NTM: variants seen among roughly 807,000 people sequenced by gnomAD.
NTM encodes neurotrimin.
A neutral mutation model predicts 42.1 loss-of-function variants in NTM; 13 were observed. The ratio of observed to expected loss-of-function variants is 0.31; its 90% CI spans 0.20 to 0.49. The LOEUF is 0.49. Among genes scored for constraint, NTM ranks in the 20% least tolerant of loss-of-function variants. The pLI, the probability that NTM is intolerant of heterozygous loss-of-function variation, is 0.99. For missense variants in NTM, 373 were observed against 452.8 expected (o/e 0.82, Z 1.60); for synonymous variants, 187 against 179.2 (o/e 1.04, Z -0.35).
intron 3 of NTM, among the ~76,000 whole-genome samples, chr11:132,165,314 A>G (rs1206165230): frequency 1.3e-5 from 2 of 152,056 alleles, no homozygotes; most frequent in Non-Finnish European, 2.9e-5. Context: ...ATCGTCCTTG[A>G]TTTATTTCTT....
At chr11:131,476,416 C>A (rs990541659) in intron 1 of NTM, among the ~76,000 whole-genome samples, 2 of 152,300 alleles carry the variant, frequency 1.3e-5, no homozygotes, top group African/African-American at 4.8e-5. Context: ...GGTCTCCCTG[C>A]TCGTCTAGAC....
intron 3 of NTM, among the ~76,000 whole-genome samples, chr11:132,206,235 T>C (rs952756013): frequency 6.6e-6 from 1 of 152,208 alleles, no homozygotes; most frequent in African/African-American, 2.4e-5. Context: ...ACATTTCTTT[T>C]AAAAAACTTC....
chr11:131,721,630 C>A lies in NTM; in HGVS notation c.83-189934C>A, dbSNP rs544389897. On this transcript the variant is annotated intron_variant, in intron 1 of 8. Coordinates refer to ENST00000683400, the MANE Select transcript of NTM (RefSeq NM_001352005.2). ...GGTCAAGTTACTTAACTTCCCTAAT[C>A]CTCACCTTCATCTCATGATCTGTAC... 5.9e-5 allele frequency among the ~76,000 whole-genome samples: 9 copies of A among 152,176 alleles called. No individual in the cohort carries two copies. The South Asian group carries it at 1.9e-3, about 32-fold the overall frequency.
At chr11:131,854,953 G>A (rs11825146) in intron 1 of NTM, among the ~76,000 whole-genome samples, 2,281 of 152,152 alleles carry the variant, frequency 0.015, 58 homozygotes, top group African/African-American at 0.052. Context: ...GGAAATGCAG[G>A]CAATATAGAC....
chr11:131,742,881 C>T (rs2135594903), intron 1 of NTM, among the ~76,000 whole-genome samples: 1 of 152,294 alleles, frequency 6.6e-6, no homozygotes, highest in Non-Finnish European at 1.5e-5. Flanking sequence ...ATTAAATCTG[C>T]ATGAACTGAA....
chr11:131,790,104 T>G (rs2090716221), intron 1 of NTM, among the ~76,000 whole-genome samples: 1 of 151,734 alleles, frequency 6.6e-6, no homozygotes, highest in Non-Finnish European at 1.5e-5. Context: ...AAGTACAGAT[T>G]AAAAGGATAA....
chr11:132,125,054 G>A (rs527750253), intron 2 of NTM, among the ~76,000 whole-genome samples: 7 of 152,120 alleles, frequency 4.6e-5, no homozygotes, highest in Non-Finnish European at 1.0e-4. Context: ...TTGAGTTCTA[G>A]AGCACAACCT....
chr11:132,327,456 A>C lies in NTM; in HGVS notation c.935-2697A>C, dbSNP rs2029136. On this transcript the variant is annotated intron_variant, in intron 7 of 8. Transcript: ENST00000683400. ...TTCTTCCCTGCAGAGGATTAAAGAC[A>C]GTTAATTAGGCCAAGTCATCCAGTG... Among the ~76,000 whole-genome samples the C allele has an allele frequency of 2.1e-3, 322 of 152,226 alleles. 1 individual carries two copies. Among genetic ancestry groups the C allele is most frequent in the African/African-American group, 7.4e-3 (308 of 41,548 alleles).
intron 1 of NTM, among the ~76,000 whole-genome samples, chr11:131,577,755 A>T (rs1190789867): frequency 6.6e-6 from 1 of 152,038 alleles, no homozygotes; most frequent in Non-Finnish European, 1.5e-5. Context: ...TTTTCTTCAG[A>T]CTCTTACAGT....
intron 2 of NTM, among the ~76,000 whole-genome samples, chr11:132,093,109 C>G (rs532395952): frequency 6.6e-4 from 100 of 152,280 alleles, no homozygotes; most frequent in African/African-American, 2.3e-3. Flanking sequence ...ACCTTTATAG[C>G]TTGGTTTTGG....
At chr11:131,524,986 C>T (rs958456121) in intron 1 of NTM, among the ~76,000 whole-genome samples, 1 of 151,990 alleles carries the variant, frequency 6.6e-6, no homozygotes, top group African/African-American at 2.4e-5. Flanking sequence ...AAACCTGGTA[C>T]AGGGGATGCC....
intron 1 of NTM, among the ~76,000 whole-genome samples, chr11:131,726,117 A>T (rs766225363): frequency 1.3e-5 from 2 of 152,132 alleles, no homozygotes; most frequent in African/African-American, 2.4e-5. Flanking sequence ...AACAGGAAAA[A>T]ATTACATGAG....
intron 2 of NTM, among the ~76,000 whole-genome samples, chr11:132,062,079 G>A (rs2080769423): frequency 6.6e-6 from 1 of 152,148 alleles, no homozygotes; most frequent in South Asian, 2.1e-4. Flanking sequence ...GACTTCTGAA[G>A]CAGGTACAGT....
chr11:131,752,513 A>G (rs1316761410), intron 1 of NTM, among the ~76,000 whole-genome samples: 1 of 152,200 alleles, frequency 6.6e-6, no homozygotes, highest in African/African-American at 2.4e-5. Flanking sequence ...TAGAAATACC[A>G]TTTGATTCAG....
intron 3 of NTM, among the ~76,000 whole-genome samples, chr11:132,165,366 C>G (rs2075108658): frequency 6.6e-6 from 1 of 152,082 alleles, no homozygotes; most frequent in Non-Finnish European, 1.5e-5. Context: ...CTATAGATGC[C>G]CGTCACTCAC....
chr11:131,837,487 G>A (rs564292251), intron 1 of NTM, among the ~76,000 whole-genome samples: 20 of 152,256 alleles, frequency 1.3e-4, no homozygotes, highest in African/African-American at 4.3e-4. Flanking sequence ...TACTATTTAG[G>A]AGAGTCACAT....
intron 3 of NTM, among the ~76,000 whole-genome samples, chr11:132,192,341 A>T (rs1043392670): frequency 2.0e-5 from 3 of 152,220 alleles, no homozygotes; most frequent in African/African-American, 2.4e-5. Context: ...ACAAGCCAAA[A>T]GAAATTGGGA....
intron 2 of NTM, among the ~76,000 whole-genome samples, chr11:132,137,595 A>G (rs1230531875): frequency 6.6e-6 from 1 of 152,202 alleles, no homozygotes; most frequent in Non-Finnish European, 1.5e-5. Flanking sequence ...AATAAAGTGG[A>G]TATTTATGAA....
intron 4 of NTM, among the ~76,000 whole-genome samples, chr11:132,257,900 C>T (rs979906400): frequency 2.6e-5 from 4 of 152,142 alleles, no homozygotes; most frequent in African/African-American, 7.2e-5. Context: ...GAGGGGCCTT[C>T]GATTTCCTAA....
Sources: allele counts gnomAD v4.1 joint callset (sites outside exome capture counted in the v4.1 genomes callset), GRCh38; gene constraint gnomAD v4.1.1; transcripts MANE v1.5; gene names NCBI Gene and HGNC (gene_info 2026-07-23, HGNC 2026-07-21).